IDO2: variants seen among roughly 807,000 people sequenced by gnomAD.
The protein encoded by IDO2 is indoleamine 2,3-dioxygenase 2.
IDO2 carries 46 observed loss-of-function variants against 45.1 expected under a neutral mutation model. That is an observed-to-expected ratio of 1.02 (90% CI 0.80 to 1.30). The LOEUF (loss-of-function observed/expected upper bound fraction) is 1.30. Ranked by LOEUF, IDO2 falls within the 50% of genes most tolerant of loss-of-function variation. The pLI, the probability that IDO2 is intolerant of heterozygous loss-of-function variation, is 0.00. For synonymous variants in IDO2, 218 were observed against 184.9 expected, an observed-to-expected ratio of 1.18 and a Z score of -1.45; for missense variants, 544 against 491.8, an observed-to-expected ratio of 1.11 and a Z score of -1.00.
chr8:39,948,986 C>T lies in IDO2; in HGVS notation c.-17-163C>T, dbSNP rs1296144169. ...AGCAGCATTTTTTAAATAATTTACT[C>T]AGCCCTGTCTCAGAGAAAGTCCATG... is the stretch of plus-strand genomic sequence containing the variant. On this transcript the variant is annotated intron_variant, in intron 1 of 10. Transcript: ENST00000502986. Among the ~76,000 whole-genome samples the T allele has an allele frequency of 4.6e-5, 7 of 152,172 alleles. No individual in the cohort carries two copies. The East Asian group carries it at 1.3e-3, about 29-fold the overall frequency.
chr8:39,970,520 T>C (rs909825564), intron 3 of IDO2, among the ~76,000 whole-genome samples: 32 of 152,202 alleles, frequency 2.1e-4, no homozygotes, highest in African/African-American at 5.5e-4. Flanking sequence ...GCCTTCCCAG[T>C]ACCTGGGATT....
At chr8:39,956,219 T>A (rs775070558) in intron 2 of IDO2, among the ~76,000 whole-genome samples, 2 of 151,992 alleles carry the variant, frequency 1.3e-5, no homozygotes, top group Non-Finnish European at 2.9e-5. Flanking sequence ...CCACCATGCC[T>A]GGCTAATTTT....
exon 9 of IDO2, chr8:40,005,376 T>C (rs769295772): frequency 1.7e-5 from 26 of 1,562,048 alleles, no homozygotes; most frequent in Non-Finnish European, 2.3e-5. Flanking sequence ...TCTTTCTCTC[T>C]GGGTAAGTAT....
intron 3 of IDO2, among the ~76,000 whole-genome samples, chr8:39,970,590 C>T (rs1210021867): frequency 6.6e-6 from 1 of 152,060 alleles, no homozygotes; most frequent in Non-Finnish European, 1.5e-5. Context: ...CGGGGTTTCA[C>T]CACATTGGCC....
chr8:39,942,921 A>G (rs915492365), intron 1 of IDO2, among the ~76,000 whole-genome samples: 2 of 152,244 alleles, frequency 1.3e-5, no homozygotes, highest in African/African-American at 4.8e-5. Flanking sequence ...AACATAAAAA[A>G]TAATGGGGCC....
At chr8:39,944,745 GT>G (rs2129593124) in intron 1 of IDO2, among the ~76,000 whole-genome samples, 1 of 152,134 alleles carries the variant, frequency 6.6e-6, no homozygotes, top group East Asian at 1.9e-4. Flanking sequence ...CTGTAAAATT[GT>G]TTTAACTGGA....
intron 1 of IDO2, among the ~76,000 whole-genome samples, chr8:39,943,508 C>T (rs1009289394): frequency 6.6e-6 from 1 of 152,038 alleles, no homozygotes; most frequent in Non-Finnish European, 1.5e-5. Flanking sequence ...GAGGCCGAGG[C>T]GGGCAGATCG....
At chr8:39,961,577 C>T (rs187062580) in intron 2 of IDO2, among the ~76,000 whole-genome samples, 47 of 152,206 alleles carry the variant, frequency 3.1e-4, no homozygotes, top group Admixed American at 2.2e-3. Flanking sequence ...CCTCCTCGGC[C>T]TCCCCAAGTG....
At chr8:39,982,995 G>A (rs772926829) in intron 5 of IDO2, among the ~76,000 whole-genome samples, 1 of 152,162 alleles carries the variant, frequency 6.6e-6, no homozygotes, top group Non-Finnish European at 1.5e-5. Context: ...TCCACATGAC[G>A]TGTGAATTTC....
At chr8:39,977,293 C>T (rs1292031089) in intron 3 of IDO2, among the ~76,000 whole-genome samples, 1 of 152,150 alleles carries the variant, frequency 6.6e-6, no homozygotes, top group African/African-American at 2.4e-5. Context: ...CCAATGAAAA[C>T]AATGAACTAC....
At chr8:39,991,565 C>CTTTTTTTTT (rs61354300) in intron 8 of IDO2, among the ~76,000 whole-genome samples, 3 of 103,332 alleles carry the variant, frequency 2.9e-5, no homozygotes, top group Non-Finnish European at 5.7e-5. Context: ...AGACTCACTT[C>CTTTTTTTTT]TTTTTTTTTT....
intron 3 of IDO2, among the ~76,000 whole-genome samples, chr8:39,966,624 T>G (rs1212521496): frequency 1.3e-5 from 2 of 152,182 alleles, no homozygotes; most frequent in Admixed American, 6.5e-5. Context: ...CACCTTGTCT[T>G]AGAATGTCTC....
At chr8:39,969,815 C>G (rs574024276) in intron 3 of IDO2, among the ~76,000 whole-genome samples, 1 of 150,580 alleles carries the variant, frequency 6.6e-6, no homozygotes, top group South Asian at 2.1e-4. Flanking sequence ...ATGGAGGTTG[C>G]AGTGAGCCTA....
chr8:39,978,537 A>T (rs889738202), intron 3 of IDO2, among the ~76,000 whole-genome samples: 2 of 151,376 alleles, frequency 1.3e-5, no homozygotes, highest in Non-Finnish European at 3.0e-5. Flanking sequence ...GGCTATAGGC[A>T]TGGAGGGCGG....
intron 3 of IDO2, among the ~76,000 whole-genome samples, chr8:39,973,930 A>G (rs1356179348): frequency 6.6e-6 from 1 of 151,752 alleles, no homozygotes; most frequent in Non-Finnish European, 1.5e-5. Flanking sequence ...TTTGGTAGAG[A>G]CTGGGTTTCA....
At chr8:39,975,891 A>G (rs1209738741) in intron 3 of IDO2, among the ~76,000 whole-genome samples, 1 of 152,108 alleles carries the variant, frequency 6.6e-6, no homozygotes, top group Non-Finnish European at 1.5e-5. Context: ...GATGAATGTC[A>G]AAGCCATAAT....
chr8:39,961,041 C>G (rs957475249), intron 2 of IDO2, among the ~76,000 whole-genome samples: 2 of 152,186 alleles, frequency 1.3e-5, no homozygotes, highest in African/African-American at 4.8e-5. Flanking sequence ...CATTGGCCTC[C>G]CAAAGAGTTG....
intron 3 of IDO2, among the ~76,000 whole-genome samples, chr8:39,978,444 C>T (rs1808294115): frequency 6.6e-6 from 1 of 152,136 alleles, no homozygotes; most frequent in South Asian, 2.1e-4. Flanking sequence ...ACTGCTGATA[C>T]TTGTTTACCA....
In IDO2 at chr8:40,015,544, GCTTTC is replaced by G; in HGVS notation, c.1167_1171del (p.Phe390Ter). ...GGCACAGGTGGAACCGCAGTTATGAGCTTTCTTAAGAGTGTCAGGGATAAGACCTT... is the reference window on the plus strand; with the variant it reads ...GGCACAGGTGGAACCGCAGTTATGAGTTAAGAGTGTCAGGGATAAGACCTT... On this transcript the variant is annotated frameshift_variant, in exon 11 of 11. Transcript: ENST00000502986. LOFTEE classifies it high-confidence loss of function. The G allele has an allele frequency of 6.2e-7, 1 of 1,613,978 alleles. No homozygotes were observed. The highest frequency in any genetic ancestry group is 8.5e-7 in the Non-Finnish European group (1 of 1,179,884).
Sources: gnomAD v4.1 joint callset for allele counts (sites outside exome capture counted in the v4.1 genomes callset) on GRCh38, gnomAD v4.1.1 for gene constraint, MANE v1.5 for transcripts, NCBI Gene and HGNC (gene_info 2026-07-23, HGNC 2026-07-21) for gene names.